The following SAMD12 variants were observed in gnomAD, a reference collection of about 807,000 sequenced individuals.
SAMD12 encodes the protein sterile alpha motif domain-containing protein 12.
SAMD12 carries 9 observed loss-of-function variants against 15.0 expected under a neutral mutation model. The observed-to-expected ratio is 0.60, with a 90% CI of 0.36 to 1.05. The LOEUF is 1.05. Among genes scored for constraint, SAMD12 ranks in the 50% least tolerant of loss-of-function variants. SAMD12 has a pLI of 0.01. For synonymous variants in SAMD12, 86 were observed against 90.1 expected, an observed-to-expected ratio of 0.96 and a Z score of 0.25; for missense variants, 230 against 234.2, an observed-to-expected ratio of 0.98 and a Z score of 0.12.
chr8:118,336,235 A>C (rs1817053373), intron 4 of SAMD12, among the ~76,000 whole-genome samples: 1 of 152,226 alleles, frequency 6.6e-6, no homozygotes, highest in Non-Finnish European at 1.5e-5. Context: ...GTAATTAAAC[A>C]TCAGGATACA....
intron 4 of SAMD12, among the ~76,000 whole-genome samples, chr8:118,336,285 T>C (rs1255813406): frequency 1.3e-5 from 2 of 152,194 alleles, no homozygotes; most frequent in Non-Finnish European, 2.9e-5. Flanking sequence ...TCTCGAAAGC[T>C]TAGAAACAAG....
At chr8:118,574,308 C>T (rs1827095606) in intron 2 of SAMD12, among the ~76,000 whole-genome samples, 1 of 152,232 alleles carries the variant, frequency 6.6e-6, no homozygotes, top group Non-Finnish European at 1.5e-5. Context: ...ATATCCTGTA[C>T]TCTTCGTCCA....
intron 2 of SAMD12, among the ~76,000 whole-genome samples, chr8:118,445,819 C>G (rs956813597): frequency 1.3e-5 from 2 of 152,100 alleles, no homozygotes; most frequent in African/African-American, 4.8e-5. Flanking sequence ...GTGTAAGCAA[C>G]TTAGATAACT....
At chr8:118,541,270 A>T (rs971846270) in intron 2 of SAMD12, among the ~76,000 whole-genome samples, 9 of 152,170 alleles carry the variant, frequency 5.9e-5, no homozygotes, top group Non-Finnish European at 1.2e-4. Flanking sequence ...AAGAGCAGAG[A>T]TTTCAATCCA....
intron 1 of SAMD12, among the ~76,000 whole-genome samples, chr8:118,614,438 A>G (rs1365098307): frequency 1.3e-5 from 2 of 152,152 alleles, no homozygotes; most frequent in African/African-American, 4.8e-5. Context: ...GATCTTCCAC[A>G]TTTAAGAACA....
At chr8:118,400,904 A>G (rs1050814844) in intron 3 of SAMD12, among the ~76,000 whole-genome samples, 1 of 152,228 alleles carries the variant, frequency 6.6e-6, no homozygotes, top group Non-Finnish European at 1.5e-5. Context: ...TGCTATCATA[A>G]CATCAACAGC....
intron 4 of SAMD12, among the ~76,000 whole-genome samples, chr8:118,319,599 A>G (rs931044669): frequency 4.6e-5 from 7 of 152,132 alleles, no homozygotes; most frequent in African/African-American, 1.7e-4. Context: ...CAACCCTTAT[A>G]CTTAGAATAC....
At chr8:118,493,717 G>A (rs754205325) in intron 2 of SAMD12, among the ~76,000 whole-genome samples, 1 of 152,124 alleles carries the variant, frequency 6.6e-6, no homozygotes, top group East Asian at 1.9e-4. Flanking sequence ...ACAAGTTGAA[G>A]GTCACATAAC....
chr8:118,547,524 T>C (rs1047438179), intron 2 of SAMD12, among the ~76,000 whole-genome samples: 1 of 152,210 alleles, frequency 6.6e-6, no homozygotes, highest in African/African-American at 2.4e-5. Flanking sequence ...CCAAAGATTC[T>C]TGCACCTTAC....
At chr8:118,156,131 G>C in the SAMD12 span, among the ~76,000 whole-genome samples, 1 of 152,166 alleles carries the variant, frequency 6.6e-6, no homozygotes, top group Admixed American at 6.5e-5. Context: ...GAATTAGCTG[G>C]GGAATCTGCT....
At chr8:118,511,039 G>T (rs1825066635) in intron 2 of SAMD12, among the ~76,000 whole-genome samples, 1 of 152,114 alleles carries the variant, frequency 6.6e-6, no homozygotes, top group African/African-American at 2.4e-5. Flanking sequence ...TCTTCACAAA[G>T]AACCTCCTGG....
intron 2 of SAMD12, among the ~76,000 whole-genome samples, chr8:118,554,961 C>T (rs1336996547): frequency 6.6e-6 from 1 of 152,128 alleles, no homozygotes; most frequent in Admixed American, 6.5e-5. Flanking sequence ...TTTCTAACTC[C>T]TCTGTTTCTC....
At chr8:118,386,103 T>G (rs1819941291) in intron 3 of SAMD12, among the ~76,000 whole-genome samples, 1 of 152,212 alleles carries the variant, frequency 6.6e-6, no homozygotes, top group African/African-American at 2.4e-5. Flanking sequence ...TTTATTCATT[T>G]CCTATGGTTG....
chr8:118,285,343 A>G (rs1334332005), intron 4 of SAMD12, among the ~76,000 whole-genome samples: 5 of 152,148 alleles, frequency 3.3e-5, no homozygotes, highest in Non-Finnish European at 5.9e-5. Flanking sequence ...TAAACTTTGG[A>G]GACTATATAG....
intron 4 of SAMD12, among the ~76,000 whole-genome samples, chr8:118,254,104 C>T (rs1051967307): frequency 4.6e-5 from 7 of 152,076 alleles, no homozygotes; most frequent in Admixed American, 4.6e-4. Flanking sequence ...AGATTTCATC[C>T]GTGTGAAAAT....
intron 2 of SAMD12, among the ~76,000 whole-genome samples, chr8:118,557,124 C>G (rs143536797): frequency 7.0e-4 from 106 of 152,240 alleles, no homozygotes; most frequent in African/African-American, 1.9e-3. Context: ...TGCCGGTAAT[C>G]CCTACATGTC....
chr8:118,509,212 G>C (rs1417092370), intron 2 of SAMD12, among the ~76,000 whole-genome samples: 1 of 152,124 alleles, frequency 6.6e-6, no homozygotes, highest in East Asian at 1.9e-4. Flanking sequence ...TCCCATAAGT[G>C]CCAAATAATT....
chr8:118,610,801 A>G (rs1337467349), intron 1 of SAMD12, among the ~76,000 whole-genome samples: 1 of 152,198 alleles, frequency 6.6e-6, no homozygotes, highest in Non-Finnish European at 1.5e-5. Context: ...TCTCCCCATG[A>G]AAATACACAT....
chr8:118,165,362 G>A, the SAMD12 span, among the ~76,000 whole-genome samples: 99 of 151,940 alleles, frequency 6.5e-4, no homozygotes, highest in African/African-American at 2.3e-3. Context: ...ACAGGGATGC[G>A]GAGCTTGCAT....
Sources: gnomAD v4.1 joint callset for allele counts (sites outside exome capture counted in the v4.1 genomes callset) on GRCh38, gnomAD v4.1.1 for gene constraint, MANE v1.5 for transcripts, NCBI Gene and HGNC (gene_info 2026-07-23, HGNC 2026-07-21) for gene names.